The following BEND4 variants were observed in gnomAD, a reference collection of about 807,000 sequenced individuals.
BEND4 encodes BEN domain-containing protein 4.
Under a neutral mutation model 54.7 loss-of-function variants are expected in BEND4, and 27 were observed. That is an observed-to-expected ratio of 0.49 (90% CI 0.36 to 0.68). BEND4 has a LOEUF of 0.68. Ranked by LOEUF, BEND4 falls within the 30% of genes least tolerant of loss-of-function variation. The pLI is 0.00. For missense variants in BEND4, 702 were observed against 697.2 expected (o/e 1.01, Z -0.08); for synonymous variants, 327 against 299.5 (o/e 1.09, Z -0.95).
rs1228835877 is a variant in BEND4 at position 42,117,523 on chromosome 4, C to T, written c.1600G>A (p.Asp534Asn). The T allele has an allele frequency of 1.4e-5, 23 of 1,605,234 alleles. No individual in the cohort carries two copies. Among genetic ancestry groups the T allele is most frequent in the Non-Finnish European group, 1.4e-5 (17 of 1,174,098 alleles). The part of the protein sequence containing the change: ...FNKSSQDGSG[D>N] ...CAACAGGAAGATTCTGTCCACTAATCCCCAGATCCATCCTGGGAACTTTTA... is the reference window on the plus strand; with the variant it reads ...CAACAGGAAGATTCTGTCCACTAATTCCCAGATCCATCCTGGGAACTTTTA... Residue 534 changes from aspartate to asparagine, a missense_variant, in exon 6 of 6, where the codon GAT (aspartate) becomes AAT (asparagine). Transcript: ENST00000502486.
chr4:42,117,360 A>ACAAC lies in BEND4; in HGVS notation c.*154_*157dup. 1 of 594,428 alleles carries ACAAC rather than the reference A, an allele frequency of 1.7e-6. No homozygotes were observed. Among genetic ancestry groups the ACAAC allele is most frequent in the Non-Finnish European group, 2.9e-6 (1 of 339,304 alleles). 36.8% of individuals were successfully genotyped at this position (594,428 alleles called of 1,614,324 possible). A position where few individuals can be genotyped will look rare whatever the true frequency, so the allele number is the denominator to read the frequency against. ...GTTGTAGGTGCCACAGACTTCCCAA[A>ACAAC]CAACCCTAAAATGGATTTCTATTTG... is the stretch of plus-strand genomic sequence containing the variant. On this transcript the variant is annotated 3_prime_UTR_variant, in exon 6 of 6. Coordinates refer to ENST00000502486, the MANE Select transcript of BEND4 (RefSeq NM_207406.4).
At chr4:42,136,536 T>A (rs1157440527) in intron 3 of BEND4, among the ~76,000 whole-genome samples, 6 of 152,226 alleles carry the variant, frequency 3.9e-5, no homozygotes, top group Non-Finnish European at 8.8e-5. Flanking sequence ...TTCACAGACA[T>A]ATGCAGAGCA....
At position 42,116,737 on chromosome 4, in the gene BEND4, T is replaced by C. The variant is rs1226227931; in HGVS notation, c.*781A>G. The C allele has an allele frequency of 6.6e-6, 1 of 152,228 alleles. No individual in the cohort carries two copies. The highest frequency in any genetic ancestry group is 2.4e-5 in the African/African-American group (1 of 41,456). The allele number at this position is 152,228 out of a possible 1,614,324, so 9.4% of individuals were successfully genotyped here. On this transcript the variant is annotated 3_prime_UTR_variant, in exon 6 of 6. Coordinates refer to ENST00000502486, the MANE Select transcript of BEND4 (RefSeq NM_207406.4). ...ATTGTTCTACCCATCACTTTGGCAT[T>C]GTGTCAACAAAGCCTGATTTAAGGC...
chr4:42,126,499 A>C (rs1720289677), intron 3 of BEND4, among the ~76,000 whole-genome samples: 1 of 152,240 alleles, frequency 6.6e-6, no homozygotes, highest in Non-Finnish European at 1.5e-5. Flanking sequence ...TCCCAAAAAG[A>C]AGCTCAATTG....
At chr4:42,149,842 T>C (rs1398057473) in intron 2 of BEND4, among the ~76,000 whole-genome samples, 1 of 151,632 alleles carries the variant, frequency 6.6e-6, no homozygotes, top group African/African-American at 2.4e-5. Context: ...AGGAAATATA[T>C]AGCCGGCTAA....
At chr4:42,140,363 T>A (rs1252505446) in intron 3 of BEND4, among the ~76,000 whole-genome samples, 1 of 152,208 alleles carries the variant, frequency 6.6e-6, no homozygotes, top group African/African-American at 2.4e-5. Context: ...AATGCATAAT[T>A]AATAAACTGG....
At chr4:42,143,390 A>G (rs1360616659) in intron 3 of BEND4, 38 bp downstream of exon 3, 1 of 1,447,696 alleles carries the variant, frequency 6.9e-7, no homozygotes, top group Admixed American at 2.0e-5. Context: ...GAAAGAAAGA[A>G]GGGTTGCAGT....
Position 42,117,264 on chromosome 4 carries a change from T to C in BEND4, c.*254A>G. 2.9e-6 allele frequency: 1 copy of C among 339,976 alleles called. No homozygotes were observed. The highest frequency in any genetic ancestry group is 5.3e-6 in the Non-Finnish European group (1 of 190,344). The allele number at this position is 339,976 out of a possible 1,614,324, so 21.1% of individuals were successfully genotyped here. On this transcript the variant is annotated 3_prime_UTR_variant, in exon 6 of 6. Transcript: ENST00000502486. ...GAGCTCACCTATTTTTTCACCCTCA[T>C]GATCTAGCTAGTAATCATTTAAAAA...
intron 3 of BEND4, among the ~76,000 whole-genome samples, chr4:42,136,541 A>G (rs1720705216): frequency 6.6e-6 from 1 of 152,260 alleles, no homozygotes. Context: ...AGACATATGC[A>G]GAGCACTGAA....
At chr4:42,133,377 C>T (rs1160603942) in intron 3 of BEND4, among the ~76,000 whole-genome samples, 2 of 152,172 alleles carry the variant, frequency 1.3e-5, no homozygotes, top group Non-Finnish European at 2.9e-5. Flanking sequence ...CACATAGGGT[C>T]TTTAAGACAT....
intron 3 of BEND4, among the ~76,000 whole-genome samples, chr4:42,127,044 C>T (rs1204441954): frequency 6.6e-6 from 1 of 152,110 alleles, no homozygotes; most frequent in East Asian, 1.9e-4. Context: ...AGTATCACCA[C>T]CAAGCTTTCT....
rs1719652135 is a variant in BEND4, at chr4:42,113,362, A to G, written c.*4156T>C. On this transcript the variant is annotated 3_prime_UTR_variant, in exon 6 of 6. Coordinates refer to ENST00000502486, the MANE Select transcript of BEND4 (RefSeq NM_207406.4). ...GAAACTCAGGAGGTAGTCAATGGGT[A>G]TTAGGTTTAGGTTCTAGAGCATAAA... 1 of 152,192 alleles carries G rather than the reference A, an allele frequency of 6.6e-6. No individual in the cohort carries two copies. Among genetic ancestry groups the G allele is most frequent in the Admixed American group, 6.5e-5 (1 of 15,284 alleles). 9.4% of individuals were successfully genotyped at this position (152,192 alleles called of 1,614,324 possible).
At position 42,112,349 on chromosome 4, in the gene BEND4, T is replaced by C. The variant is rs1328214753; in HGVS notation, c.*5169A>G. 1.3e-5 allele frequency: 2 copies of C among 152,248 alleles called. No homozygotes were observed. The highest frequency in any genetic ancestry group is 2.9e-5 in the Non-Finnish European group (2 of 68,046). The allele number at this position is 152,248 out of a possible 1,614,324, so 9.4% of individuals were successfully genotyped here. The stretch of plus-strand genomic sequence containing the variant: ...ACACAATAACTCAATAGATAGATAT[T>C]AACTATAGTTACTACTGTTGTTGCA... On this transcript the variant is annotated 3_prime_UTR_variant, in exon 6 of 6. Coordinates refer to ENST00000502486, the MANE Select transcript of BEND4 (RefSeq NM_207406.4).
In BEND4 at chr4:42,114,158, T is replaced by G. The variant is rs1719700869; in HGVS notation, c.*3360A>C. 1 of 152,184 alleles carries G rather than the reference T, an allele frequency of 6.6e-6. No individual in the cohort carries two copies. Among genetic ancestry groups the G allele is most frequent in the Non-Finnish European group, 1.5e-5 (1 of 68,040 alleles). 9.4% of individuals were successfully genotyped at this position (152,184 alleles called of 1,614,324 possible). ...GTCAAGAGTCAGTGAGAAATGTGAC[T>G]TTAGTAACTGCTTGCAAAATACTGG... is the stretch of plus-strand genomic sequence containing the variant. On this transcript the variant is annotated 3_prime_UTR_variant, in exon 6 of 6. Coordinates refer to ENST00000502486, the MANE Select transcript of BEND4 (RefSeq NM_207406.4).
chr4:42,138,072 ACTT>A (rs955781048), intron 3 of BEND4, among the ~76,000 whole-genome samples: 1 of 152,176 alleles, frequency 6.6e-6, no homozygotes, highest in Non-Finnish European at 1.5e-5. Flanking sequence ...ACCCAGCAAA[ACTT>A]CTCCTGGACA....
intron 2 of BEND4, among the ~76,000 whole-genome samples, chr4:42,145,175 A>G (rs1004801065): frequency 1.8e-4 from 28 of 152,216 alleles, no homozygotes; most frequent in Admixed American, 1.8e-3. Context: ...AAAAATGGTG[A>G]GATGTTCAAG....
chr4:42,152,081 G>T lies in BEND4; in HGVS notation c.63C>A (p.Arg21=). ...ACGTCTTGAGGACGCTGTAGGGGCT[G>T]CGCTGCTTGTAGATTTTGGGGACGC... The part of the protein sequence containing the change: ...GPSVPKIYKQ[R]SPYSVLKTFP... The change falls in exon 2 of 6, where the codon CGC becomes CGA. Residue 21 remains arginine (R), a synonymous_variant. Transcript: ENST00000502486. 5 of 1,251,572 alleles carry T rather than the reference G, an allele frequency of 4.0e-6. No individual in the cohort carries two copies. The highest frequency in any genetic ancestry group is 5.1e-6 in the Non-Finnish European group (5 of 989,960). 77.5% of individuals were successfully genotyped at this position (1,251,572 alleles called of 1,614,324 possible). A position where few individuals can be genotyped will look rare whatever the true frequency, so the allele number is the denominator to read the frequency against.
At chr4:42,142,035 C>T (rs1720903751) in intron 3 of BEND4, among the ~76,000 whole-genome samples, 1 of 151,748 alleles carries the variant, frequency 6.6e-6, no homozygotes, top group East Asian at 2.0e-4. Context: ...TCCCGAGTAG[C>T]TGGGACTACA....
intron 3 of BEND4, among the ~76,000 whole-genome samples, chr4:42,138,477 T>G (rs1485466530): frequency 6.6e-6 from 1 of 152,192 alleles, no homozygotes; most frequent in Non-Finnish European, 1.5e-5. Flanking sequence ...AGTAGCACTA[T>G]GTAGGATGAA....
Sources: gnomAD v4.1 joint callset for allele counts (sites outside exome capture counted in the v4.1 genomes callset) on GRCh38, gnomAD v4.1.1 for gene constraint, MANE v1.5 for transcripts, NCBI Gene and HGNC (gene_info 2026-07-23, HGNC 2026-07-21) for gene names.